COL6A2: variants seen among roughly 807,000 people sequenced by gnomAD.
COL6A2 encodes the protein collagen type VI alpha 2 chain.
A neutral mutation model predicts 124.9 loss-of-function variants in COL6A2; 90 were observed. The ratio of observed to expected loss-of-function variants is 0.72; its 90% confidence interval spans 0.61 to 0.86. The LOEUF is 0.86. COL6A2 is among the 40% of genes least tolerant of loss of function. COL6A2 has a pLI of 0.00. For missense variants in COL6A2, 1,607 were observed against 1,502.5 expected, an observed-to-expected ratio of 1.07 and a Z score of -1.15; for synonymous variants, 793 against 618.2, an observed-to-expected ratio of 1.28 and a Z score of -4.19.
At chr21:46,131,705 G>A (rs544914525) in intron 27 of COL6A2, among the ~76,000 whole-genome samples, 1 of 152,294 alleles carries the variant, frequency 6.6e-6, no homozygotes, top group East Asian at 1.9e-4. Context: ...ACAGGGCCTG[G>A]GGCCTGTGTC....
chr21:46,114,142 C>G (rs2078440167), intron 5 of COL6A2, 69 bp downstream of exon 5: 2 of 1,382,302 alleles, frequency 1.4e-6, no homozygotes, highest in Non-Finnish European at 2.1e-6. Flanking sequence ...GAAATCCACA[C>G]TTGGCCGGGC....
intron 11 of COL6A2, 116 bp downstream of exon 11, chr21:46,117,569 GC>G: frequency 9.3e-7 from 1 of 1,072,142 alleles, no homozygotes; most frequent in Non-Finnish European, 1.4e-6. Flanking sequence ...CAGCCCAGCA[GC>G]CCCAGCCCAG....
chr21:46,132,490 A>G lies in COL6A2; in HGVS notation c.2998A>G (p.Lys1000Glu), dbSNP rs151244310. 240 of 1,607,340 alleles carry G rather than the reference A, an allele frequency of 1.5e-4. 3 individuals are homozygous for G. Among genetic ancestry groups the G allele is most frequent in the African/African-American group, 4.8e-4 (36 of 74,828 alleles). ...TGACCGCGCCGCCGTGTTCCACGAG[A>G]AGGACTATGACAGCCTGGCGCAACC... ...LGDRAAVFHEKDYDSLAQPGF... is the reference protein window; with the variant it reads ...LGDRAAVFHEEDYDSLAQPGF... The change falls in exon 28 of 28, where the codon AAG (lysine) becomes GAG (glutamate). Residue 1000 changes from lysine to glutamate, a missense_variant. Lys to Glu is a moderately conservative substitution (Grantham distance 56, BLOSUM62 1). This residue lies in a region of COL6A2 where 1,223 missense variants were observed against 1,052.2 expected (regional missense o/e 1.16). Transcript: ENST00000300527.
chr21:46,122,820 G>A, intron 20 of COL6A2, 55 bp from the exon 21 acceptor site: 3 of 1,531,142 alleles, frequency 2.0e-6, no homozygotes, highest in Non-Finnish European at 2.7e-6. Flanking sequence ...TCTCACTGGT[G>A]TCCCTGGTAG....
chr21:46,112,830 T>C lies in COL6A2; in HGVS notation c.735+6T>C, dbSNP rs2078423797. ...AACACGAAGCCTACGGAGAGGTGAG[T>C]GGCGCTTCCCTTCCTGCCAGTGCTG... On this transcript the variant is annotated splice_donor_region_variant and intron_variant, in intron 4 of 27. Coordinates refer to ENST00000300527, the MANE Select transcript of COL6A2 (RefSeq NM_001849.4). 1.9e-6 allele frequency: 3 copies of C among 1,613,456 alleles called. No homozygotes were observed. Among genetic ancestry groups the C allele is most frequent in the Non-Finnish European group, 2.5e-6 (3 of 1,179,996 alleles).
At chr21:46,098,400 C>A (rs1045715937) in intron 1 of COL6A2, among the ~76,000 whole-genome samples, 2 of 151,278 alleles carry the variant, frequency 1.3e-5, no homozygotes, top group Non-Finnish European at 3.0e-5. Flanking sequence ...CTCGGGCGCG[C>A]GACTTGGGGC....
chr21:46,101,159 A>G (rs1428796461), intron 1 of COL6A2, among the ~76,000 whole-genome samples: 1 of 152,082 alleles, frequency 6.6e-6, no homozygotes, highest in Non-Finnish European at 1.5e-5. Context: ...CCTCATGATT[A>G]GTGACGTTGA....
rs528949347 is a variant in COL6A2, at chr21:46,126,491, C to CCTCTCTT, written c.2423-10_2423-4dup. ...GACCCTGGCCTGGCCCGGCCTCTCTCCTCTCTTCCAGACCCTCAGATCGTG... is the reference window on the plus strand; with the variant it reads ...GACCCTGGCCTGGCCCGGCCTCTCTCCTCTCTTCTCTCTTCCAGACCCTCAGATCGTG... On this transcript the variant is annotated splice_polypyrimidine_tract_variant and intron_variant, in intron 26 of 27. Coordinates refer to ENST00000300527, the MANE Select transcript of COL6A2 (RefSeq NM_001849.4). 36 of 1,612,766 alleles carry CCTCTCTT rather than the reference C, an allele frequency of 2.2e-5. No homozygotes were observed. In the East Asian group the frequency reaches 7.6e-4, roughly 34 times the overall value.
intron 27 of COL6A2, chr21:46,128,796 C>T: frequency 3.3e-6 from 3 of 920,844 alleles, no homozygotes; most frequent in Non-Finnish European, 3.6e-6. Flanking sequence ...AAGGGTTTAC[C>T]ACCGCAAGCT....
rs200652329 is a variant in COL6A2, at chr21:46,132,303, G to A, written c.2811G>A (p.Arg937=). ...TGCGCAGCCCGCGTGGCGGGGCCCG[G>A]AGGCACGCAGAGCTGTCCTTCGTGT... The part of the protein sequence containing the change: ...AIVRSPRGGA[R]RHAELSFVFL... Residue 937 remains arginine, a synonymous_variant, in exon 28 of 28, where the codon CGG becomes CGA. Transcript: ENST00000300527. 14 of 1,606,388 alleles carry A rather than the reference G, an allele frequency of 8.7e-6. No homozygotes were observed. Among genetic ancestry groups the A allele is most frequent in the African/African-American group, 1.3e-5 (1 of 75,004 alleles).
intron 1 of COL6A2, among the ~76,000 whole-genome samples, chr21:46,110,166 G>A (rs544018858): frequency 2.0e-5 from 3 of 152,252 alleles, no homozygotes; most frequent in South Asian, 2.1e-4. Context: ...CACCCGGCCC[G>A]GCCCCATGGC....
In COL6A2 at chr21:46,119,020, C is replaced by T. The variant is rs777782503; in HGVS notation, c.1180-10C>T. On this transcript the variant is annotated splice_polypyrimidine_tract_variant and intron_variant, in intron 13 of 27. Coordinates refer to ENST00000300527, the MANE Select transcript of COL6A2 (RefSeq NM_001849.4). ...CCTCTGGGTGACTGTGCTGTCCTCT[C>T]CTTCTTCAGGGGTATCAAGGCAACA... 1.1e-5 allele frequency: 18 copies of T among 1,602,528 alleles called. No individual in the cohort carries two copies. The Admixed American group carries it at 2.0e-4, about 18-fold the overall frequency.
chr21:46,107,306 C>A (rs1319706567), intron 1 of COL6A2, among the ~76,000 whole-genome samples: 1 of 151,934 alleles, frequency 6.6e-6, no homozygotes, highest in Non-Finnish European at 1.5e-5. Context: ...GGAGTCATGC[C>A]CTACAAACCA....
Position 46,119,091 on chromosome 21 carries a change from C to G in COL6A2, c.1241C>G (p.Pro414Arg), listed in dbSNP as rs751591907. The change falls in exon 14 of 28, where the codon CCT (proline) becomes CGT (arginine). Residue 414 changes from proline to arginine, a missense_variant. Pro to Arg is a moderately radical substitution (Grantham distance 103). Coordinates refer to ENST00000300527, the MANE Select transcript of COL6A2 (RefSeq NM_001849.4). ...GGTGTGAAAGGAGCCAAGGGCGGGC[C>G]TGGGCCCCGCGGACCCAAAGGCGAG... ...SPGVKGAKGG[P>R]GPRGPKGEPG... 9 of 1,612,400 alleles carry G rather than the reference C, an allele frequency of 5.6e-6. No individual in the cohort carries two copies. Among genetic ancestry groups the G allele is most frequent in the Non-Finnish European group, 7.6e-6 (9 of 1,179,852 alleles).
Position 46,122,712 on chromosome 21 carries a change from G to A in COL6A2, c.1609-163G>A, listed in dbSNP as rs80117819. Among the ~76,000 whole-genome samples, 6,176 of 137,374 alleles carry A rather than the reference G, an allele frequency of 0.045. 121 individuals are homozygous for A. Among genetic ancestry groups the A allele is most frequent in the Admixed American group, 0.061 (806 of 13,312 alleles). The allele number at this position is 137,374 out of a possible 152,430, so 90.1% of individuals were successfully genotyped here. A position where few individuals can be genotyped will look rare whatever the true frequency, so the allele number is the denominator to read the frequency against. ...TGGGGGAGCTGTCAGCCACTGGCTGGTCCCTTTTCAACCAAAGTTCAGGCT... is the reference window on the plus strand; with the variant it reads ...TGGGGGAGCTGTCAGCCACTGGCTGATCCCTTTTCAACCAAAGTTCAGGCT... On this transcript the variant is annotated intron_variant, in intron 20 of 27. Transcript: ENST00000300527.
At chr21:46,130,930 G>A (rs1294067745) in intron 27 of COL6A2, among the ~76,000 whole-genome samples, 2 of 152,234 alleles carry the variant, frequency 1.3e-5, no homozygotes, top group Non-Finnish European at 2.9e-5. Flanking sequence ...GTTCTGTGAA[G>A]GCTGCGGTGC....
At chr21:46,129,474 G>A (rs138231613) in intron 27 of COL6A2, 49 of 1,589,668 alleles carry the variant, frequency 3.1e-5, no homozygotes, top group African/African-American at 1.9e-4. Context: ...CCCCGAGACC[G>A]CGCTGGCCCT....
chr21:46,127,973 G>A (rs998666004), intron 27 of COL6A2, among the ~76,000 whole-genome samples: 3 of 152,206 alleles, frequency 2.0e-5, no homozygotes, highest in African/African-American at 7.2e-5. Flanking sequence ...GTTTATGCAC[G>A]TGGGCCCTGA....
chr21:46,120,793 C>T (rs533581101), intron 16 of COL6A2, among the ~76,000 whole-genome samples: 35 of 151,878 alleles, frequency 2.3e-4, no homozygotes, highest in Middle Eastern at 3.4e-3. Flanking sequence ...AAGGCAAGGG[C>T]TGCACCCCAA....
Sources: allele counts gnomAD v4.1 joint callset (sites outside exome capture counted in the v4.1 genomes callset), GRCh38; gene constraint gnomAD v4.1.1; regional missense constraint gnomAD v4.1.1; transcripts MANE v1.5; gene names NCBI Gene and HGNC (gene_info 2026-07-23, HGNC 2026-07-21).